CNTN5: variants seen among roughly 807,000 people sequenced by gnomAD.
CNTN5 encodes the protein contactin-5.
Under a neutral mutation model 129.1 loss-of-function variants are expected in CNTN5, and 77 were observed. The observed-to-expected ratio is 0.60, with a 90% confidence interval of 0.50 to 0.72. The LOEUF (loss-of-function observed/expected upper bound fraction) is 0.72. CNTN5 is among the 30% of genes least tolerant of loss of function. CNTN5 has a pLI of 0.00. For synonymous variants in CNTN5, 509 were observed against 465.6 expected (o/e 1.09, Z -1.20); for missense variants, 1,478 against 1,328.8 (o/e 1.11, Z -1.75).
chr11:99,969,216 C>T lies in CNTN5; in HGVS notation c.877+12207C>T, dbSNP rs181264608. 3.9e-5 allele frequency among the ~76,000 whole-genome samples: 6 copies of T among 152,196 alleles called. No individual in the cohort carries two copies. In the South Asian group the frequency reaches 6.2e-4, roughly 16 times the overall value. ...GAAACCTTGGGAGAATTACTTAATA[C>T]GTGGTAACAAATAACAAGATGAATT... On this transcript the variant is annotated intron_variant, in intron 8 of 24. Coordinates refer to ENST00000524871, the MANE Select transcript of CNTN5 (RefSeq NM_014361.4).
chr11:99,730,104 A>G (rs1395449777), intron 3 of CNTN5, among the ~76,000 whole-genome samples: 2 of 152,252 alleles, frequency 1.3e-5, no homozygotes, highest in South Asian at 2.1e-4. Context: ...CCTTGTTCCC[A>G]TGCACTCCCC....
chr11:99,703,376 T>A (rs1954611971), intron 3 of CNTN5, among the ~76,000 whole-genome samples: 1 of 150,732 alleles, frequency 6.6e-6, no homozygotes, highest in Admixed American at 6.6e-5. Context: ...GTGATATATA[T>A]CTTCCTGTCA....
chr11:99,308,381 C>G (rs952327792), intron 1 of CNTN5, among the ~76,000 whole-genome samples: 31 of 152,210 alleles, frequency 2.0e-4, no homozygotes, highest in African/African-American at 7.2e-4. Flanking sequence ...AAGTGAAGGG[C>G]TAACTTTGCT....
chr11:99,888,369 C>A (rs1316985362), intron 6 of CNTN5, among the ~76,000 whole-genome samples: 1 of 151,992 alleles, frequency 6.6e-6, no homozygotes, highest in Non-Finnish European at 1.5e-5. Context: ...TTTTTCTTTG[C>A]AATTAATACT....
At chr11:100,114,852 T>C (rs1054839059) in intron 13 of CNTN5, among the ~76,000 whole-genome samples, 9 of 152,196 alleles carry the variant, frequency 5.9e-5, no homozygotes, top group South Asian at 2.1e-4. Flanking sequence ...ATAAATTAAT[T>C]CATTTAATAC....
At chr11:99,689,747 C>T (rs1395982535) in intron 3 of CNTN5, among the ~76,000 whole-genome samples, 1 of 151,892 alleles carries the variant, frequency 6.6e-6, no homozygotes, top group Non-Finnish European at 1.5e-5. Context: ...GGTGTCTCTT[C>T]ATGTCCTTTG....
At chr11:100,083,738 C>T (rs1033238076) in intron 13 of CNTN5, among the ~76,000 whole-genome samples, 1 of 151,998 alleles carries the variant, frequency 6.6e-6, no homozygotes. Flanking sequence ...AAATTAATGG[C>T]ATCCACTTAA....
At chr11:99,400,045 C>G (rs1941720265) in intron 2 of CNTN5, among the ~76,000 whole-genome samples, 1 of 151,910 alleles carries the variant, frequency 6.6e-6, no homozygotes, top group South Asian at 2.1e-4. Context: ...ACTTTTAGTA[C>G]TTTTAAAACA....
At chr11:99,391,469 AT>A (rs1565543973) in intron 2 of CNTN5, among the ~76,000 whole-genome samples, 2 of 152,156 alleles carry the variant, frequency 1.3e-5, no homozygotes, top group Non-Finnish European at 2.9e-5. Flanking sequence ...CTGCTGTCAT[AT>A]AGTAGCTAAG....
At chr11:99,490,034 C>T (rs898809418) in intron 2 of CNTN5, among the ~76,000 whole-genome samples, 8 of 152,104 alleles carry the variant, frequency 5.3e-5, no homozygotes, top group Admixed American at 2.0e-4. Flanking sequence ...AATTCAGACA[C>T]GTTATTTCAC....
chr11:99,567,165 T>C (rs563959923), intron 3 of CNTN5, among the ~76,000 whole-genome samples: 1 of 152,250 alleles, frequency 6.6e-6, no homozygotes, highest in Non-Finnish European at 1.5e-5. Flanking sequence ...AGTAGGAGAA[T>C]AATGGGAGGA....
chr11:99,158,513 C>T (rs542979727), intron 1 of CNTN5, among the ~76,000 whole-genome samples: 1 of 152,120 alleles, frequency 6.6e-6, no homozygotes. Flanking sequence ...ATACATTTTG[C>T]TTTTCCTGAA....
At chr11:99,797,340 G>T (rs182152343) in intron 3 of CNTN5, among the ~76,000 whole-genome samples, 1 of 152,198 alleles carries the variant, frequency 6.6e-6, no homozygotes, top group South Asian at 2.1e-4. Flanking sequence ...TGTTTTTCAC[G>T]TTGGCTGAGC....
intron 1 of CNTN5, among the ~76,000 whole-genome samples, chr11:99,184,052 C>T (rs11218693): frequency 0.92 from 139,578 of 152,048 alleles, 64,163 homozygotes; most frequent in East Asian, 1. Flanking sequence ...TCCACTCTGG[C>T]TGTCATTATG....
At chr11:100,069,082 T>G (rs1436332767) in intron 10 of CNTN5, among the ~76,000 whole-genome samples, 1 of 152,214 alleles carries the variant, frequency 6.6e-6, no homozygotes, top group African/African-American at 2.4e-5. Flanking sequence ...CCTGCTAAAC[T>G]GGCTTTGGTT....
intron 1 of CNTN5, among the ~76,000 whole-genome samples, chr11:99,135,517 A>G (rs968494861): frequency 6.6e-6 from 1 of 152,182 alleles, no homozygotes; most frequent in Non-Finnish European, 1.5e-5. Flanking sequence ...GGGGCAGAGG[A>G]AGTGTGGAAA....
intron 8 of CNTN5, among the ~76,000 whole-genome samples, chr11:99,971,885 G>A (rs2137307593): frequency 6.6e-6 from 1 of 150,844 alleles, no homozygotes; most frequent in South Asian, 2.1e-4. Flanking sequence ...ATTATATCTA[G>A]CAGGCCAGCA....
At chr11:99,704,426 A>C (rs1416751143) in intron 3 of CNTN5, among the ~76,000 whole-genome samples, 1 of 151,130 alleles carries the variant, frequency 6.6e-6, no homozygotes, top group Admixed American at 6.6e-5. Context: ...TACAACTCAG[A>C]TTAGTGTGGT....
At chr11:99,968,943 A>T (rs550031178) in intron 8 of CNTN5, among the ~76,000 whole-genome samples, 1 of 151,950 alleles carries the variant, frequency 6.6e-6, no homozygotes. Flanking sequence ...TTATTTTTCT[A>T]TGTGTCTCTC....
Sources: allele counts gnomAD v4.1 joint callset (sites outside exome capture counted in the v4.1 genomes callset), GRCh38; gene constraint gnomAD v4.1.1; transcripts MANE v1.5; gene names NCBI Gene and HGNC (gene_info 2026-07-23, HGNC 2026-07-21).